The following BCAS3 variants were observed in gnomAD, a reference collection of about 807,000 sequenced individuals.
BCAS3 encodes the protein BCAS3 microtubule associated cell migration factor, also known as BCAS4/BCAS3 fusion.
In BCAS3, 53 loss-of-function variants were observed where a neutral mutation model predicts 116.1. The ratio of observed to expected loss-of-function variants is 0.46; its 90% CI spans 0.37 to 0.57. The LOEUF is 0.57. Among genes scored for constraint, BCAS3 ranks in the 20% least tolerant of loss-of-function variants. The pLI is 0.00. For synonymous variants in BCAS3, 391 were observed against 408.2 expected (o/e 0.96, Z 0.51); for missense variants, 917 against 1,165.4 (o/e 0.79, Z 3.10).
chr17:60,902,498 A>G, intron 10 of BCAS3, 122 bp from the exon 11 acceptor site: 2 of 781,446 alleles, frequency 2.6e-6, no homozygotes, highest in Non-Finnish European at 2.1e-6. Context: ...AAATACACTC[A>G]TGCAAACATT....
intron 13 of BCAS3, among the ~76,000 whole-genome samples, chr17:60,931,919 A>C (rs2059665947): frequency 6.6e-6 from 1 of 152,092 alleles, no homozygotes; most frequent in Non-Finnish European, 1.5e-5. Context: ...CAAAAAATAC[A>C]AAAATTAGCT....
chr17:60,819,054 TTTAA>T (rs544017719), intron 7 of BCAS3, among the ~76,000 whole-genome samples: 9 of 152,180 alleles, frequency 5.9e-5, no homozygotes, highest in Non-Finnish European at 2.9e-5. Context: ...GTTACTTCTA[TTTAA>T]TTACTCTTTC....
chr17:61,330,814 G>A (rs954884232), intron 22 of BCAS3, among the ~76,000 whole-genome samples: 5 of 152,224 alleles, frequency 3.3e-5, no homozygotes, highest in Admixed American at 6.5e-5. Flanking sequence ...CTGGGAACAA[G>A]TAACTTTCTT....
At chr17:60,906,147 G>A (rs1445717875) in intron 11 of BCAS3, among the ~76,000 whole-genome samples, 1 of 152,116 alleles carries the variant, frequency 6.6e-6, no homozygotes, top group Non-Finnish European at 1.5e-5. Flanking sequence ...AAATTATTTG[G>A]GGGCTGATTT....
intron 7 of BCAS3, among the ~76,000 whole-genome samples, chr17:60,813,428 CTGTT>C (rs1157009376): frequency 9.9e-5 from 15 of 152,250 alleles, no homozygotes; most frequent in African/African-American, 3.1e-4. Context: ...TGAGAAGTGT[CTGTT>C]AATGTCTTTT....
chr17:60,969,618 A>AAT (rs1319185084), intron 14 of BCAS3, among the ~76,000 whole-genome samples: 1 of 152,210 alleles, frequency 6.6e-6, no homozygotes, highest in Non-Finnish European at 1.5e-5. Context: ...GAGGAAAAAA[A>AAT]ATCTAAAAGT....
chr17:61,307,344 T>C lies in BCAS3; in HGVS notation c.2426-60983T>C, dbSNP rs552332327. 6.6e-6 allele frequency among the ~76,000 whole-genome samples: 1 copy of C among 152,398 alleles called. No individual in the cohort carries two copies. The highest frequency in any genetic ancestry group is 2.4e-5 in the African/African-American group (1 of 41,598). Reference sequence around the variant, plus strand: ...GAAAAAAACTACCTGTAATTTTTCCTGTCTACTTTTACTAGAGTTTACTAG... The same window carrying C: ...GAAAAAAACTACCTGTAATTTTTCCCGTCTACTTTTACTAGAGTTTACTAG... On this transcript the variant is annotated intron_variant, in intron 22 of 23. Transcript: ENST00000407086. This position sits in a 1 kb window ranked among gnomAD's most constrained non-coding sequence, Gnocchi z 4.7.
chr17:60,929,696 T>A (rs2059542426), intron 13 of BCAS3, among the ~76,000 whole-genome samples: 1 of 148,046 alleles, frequency 6.8e-6, no homozygotes, highest in South Asian at 2.2e-4. Context: ...ATTAGGTATA[T>A]CTCCTAATGC....
chr17:61,022,789 A>G (rs1210324208), intron 16 of BCAS3, among the ~76,000 whole-genome samples: 2 of 152,002 alleles, frequency 1.3e-5, no homozygotes, highest in Non-Finnish European at 1.5e-5. Flanking sequence ...ACAGGCCTAT[A>G]TCACCGCACC....
chr17:60,904,793 A>C (rs1359264133), intron 11 of BCAS3, among the ~76,000 whole-genome samples: 2 of 152,220 alleles, frequency 1.3e-5, no homozygotes, highest in African/African-American at 4.8e-5. Context: ...TGATTGCGTC[A>C]CTGCAATCTG....
rs186799348 is a variant in BCAS3 at position 61,011,354 on chromosome 17, G to T, written c.1487-4397G>T. Among the ~76,000 whole-genome samples, 29 of 152,138 alleles carry T rather than the reference G, an allele frequency of 1.9e-4. No homozygotes were observed. The East Asian group carries it at 5.4e-3, about 28-fold the overall frequency. On this transcript the variant is annotated intron_variant, in intron 15 of 23. Coordinates refer to ENST00000407086, the MANE Select transcript of BCAS3 (RefSeq NM_017679.5). ...ACTTCCTTATACGAAGAGGCTTGAG[G>T]TTTAATGAAGAATTCTGGCTTGAAA...
rs2047765742 is a variant in BCAS3 at position 61,244,369 on chromosome 17, G to T, written c.2426-123958G>T. Among the ~76,000 whole-genome samples, 2 of 152,128 alleles carry T rather than the reference G, an allele frequency of 1.3e-5. No homozygotes were observed. The highest frequency in any genetic ancestry group is 4.8e-5 in the African/African-American group (2 of 41,424). ...TAATGAGTCTTACCTGTCCAGTAATGAATGTGTTTTCCTTTGCTTTTTTAC... is the reference window on the plus strand; with the variant it reads ...TAATGAGTCTTACCTGTCCAGTAATTAATGTGTTTTCCTTTGCTTTTTTAC... On this transcript the variant is annotated intron_variant, in intron 22 of 23. Coordinates refer to ENST00000407086, the MANE Select transcript of BCAS3 (RefSeq NM_017679.5). This position sits in a 1 kb window ranked among gnomAD's most constrained non-coding sequence, Gnocchi z 4.9.
intron 7 of BCAS3, among the ~76,000 whole-genome samples, chr17:60,847,317 CAT>C (rs2052629843): frequency 6.6e-6 from 1 of 152,144 alleles, no homozygotes; most frequent in African/African-American, 2.4e-5. Flanking sequence ...TTTGTGTGAA[CAT>C]ATGCTTGCTT....
rs2082284780 is a variant in BCAS3 at position 61,224,707 on chromosome 17, A to G, written c.2425+140143A>G. Among the ~76,000 whole-genome samples, 1 of 152,230 alleles carries G rather than the reference A, an allele frequency of 6.6e-6. No individual in the cohort carries two copies. The highest frequency in any genetic ancestry group is 2.4e-5 in the African/African-American group (1 of 41,462). On this transcript the variant is annotated intron_variant, in intron 22 of 23. Transcript: ENST00000407086. This position sits in a 1 kb window ranked among gnomAD's most constrained non-coding sequence, Gnocchi z 5.7. ...CTCTACTTCAGTTTCTTGGTCCGTG[A>G]AAACTAACAGGTGAAATGAATTCTA...
rs8078843 is a variant in BCAS3, at chr17:61,077,630, A to G, written c.2131-703A>G. 0.041 allele frequency among the ~76,000 whole-genome samples: 6,285 copies of G among 152,302 alleles called. 465 individuals carry two copies. Among genetic ancestry groups the G allele is most frequent in the African/African-American group, 0.14 (5,912 of 41,554 alleles). ...GGTATTACTGTTTTGTAGCACATCA[A>G]ATGCCTGTGTCGATATTTGTGGCAG... On this transcript the variant is annotated intron_variant, in intron 20 of 23. Coordinates refer to ENST00000407086, the MANE Select transcript of BCAS3 (RefSeq NM_017679.5). The surrounding 1 kb of genome is among the most constrained non-coding windows in gnomAD (Gnocchi z 4.3).
intron 22 of BCAS3, among the ~76,000 whole-genome samples, chr17:61,297,666 G>A (rs573827977): frequency 1.3e-5 from 2 of 152,142 alleles, no homozygotes; most frequent in Non-Finnish European, 2.9e-5. Flanking sequence ...TGTGATGGGG[G>A]TCCTCAGTGG....
rs928094238 is a variant in BCAS3, at chr17:61,077,777, A to T, written c.2131-556A>T. 2.0e-5 allele frequency among the ~76,000 whole-genome samples: 3 copies of T among 152,218 alleles called. No individual in the cohort carries two copies. Among genetic ancestry groups the T allele is most frequent in the Non-Finnish European group, 2.9e-5 (2 of 68,036 alleles). ...ATATTAGGGCAGTATAATAAATATT[A>T]TAATATTTTATTGTGGAAATAAAGT... On this transcript the variant is annotated intron_variant, in intron 20 of 23. Coordinates refer to ENST00000407086, the MANE Select transcript of BCAS3 (RefSeq NM_017679.5). This position sits in a 1 kb window ranked among gnomAD's most constrained non-coding sequence, Gnocchi z 4.3.
At chr17:61,002,282 T>G (rs898946604) in intron 15 of BCAS3, among the ~76,000 whole-genome samples, 1 of 152,162 alleles carries the variant, frequency 6.6e-6, no homozygotes. Flanking sequence ...AAGTTTTGCC[T>G]TTAAATAAAT....
At chr17:60,802,145 A>AT (rs1370562623) in intron 6 of BCAS3, among the ~76,000 whole-genome samples, 9 of 151,834 alleles carry the variant, frequency 5.9e-5, no homozygotes, top group African/African-American at 1.9e-4. Flanking sequence ...TTAGCCGGGC[A>AT]TGGTGGCACG....
Sources: gnomAD v4.1 joint callset for allele counts (sites outside exome capture counted in the v4.1 genomes callset) on GRCh38, gnomAD v4.1.1 for gene constraint, Gnocchi (gnomAD v3.1) non-coding constraint, MANE v1.5 for transcripts, NCBI Gene and HGNC (gene_info 2026-07-23, HGNC 2026-07-21) for gene names.